LRP1B: variants seen among roughly 807,000 people sequenced by gnomAD.
LRP1B encodes the protein low-density lipoprotein receptor-related protein 1B.
In LRP1B, 217 loss-of-function variants were observed where a neutral mutation model predicts 556.6. That is an observed-to-expected ratio of 0.39 (90% confidence interval 0.35 to 0.44). The LOEUF (loss-of-function observed/expected upper bound fraction) is 0.44. Among genes scored for constraint, LRP1B ranks in the 20% least tolerant of loss-of-function variants. The probability of loss-of-function intolerance (pLI) is 1.00; values close to 1 mark genes in which losing one functional copy is unlikely to be tolerated. For missense variants in LRP1B, 5,053 were observed against 5,620.8 expected, an observed-to-expected ratio of 0.90 and a Z score of 3.23; for synonymous variants, 2,047 against 1,865.8, an observed-to-expected ratio of 1.10 and a Z score of -2.50.
At chr2:141,682,453 A>G (rs962225288) in intron 2 of LRP1B, among the ~76,000 whole-genome samples, 2 of 152,114 alleles carry the variant, frequency 1.3e-5, no homozygotes, top group African/African-American at 4.8e-5. Context: ...TAAATGAAGT[A>G]TGAGAAAAAG....
intron 2 of LRP1B, among the ~76,000 whole-genome samples, chr2:141,517,127 C>T (rs1684349590): frequency 6.6e-6 from 1 of 151,486 alleles, no homozygotes; most frequent in African/African-American, 2.4e-5. Context: ...ATATGTCTAC[C>T]CTTTTATGTT....
At chr2:141,972,115 A>T (rs536229830) in intron 1 of LRP1B, among the ~76,000 whole-genome samples, 1 of 151,704 alleles carries the variant, frequency 6.6e-6, no homozygotes, top group South Asian at 2.1e-4. Context: ...AACTATGTAA[A>T]CAAATACATG....
chr2:140,785,630 T>C (rs1019317630), intron 32 of LRP1B, among the ~76,000 whole-genome samples: 1 of 152,104 alleles, frequency 6.6e-6, no homozygotes, highest in Non-Finnish European at 1.5e-5. Flanking sequence ...CACTTACGAC[T>C]TCGCTAACTA....
intron 47 of LRP1B, among the ~76,000 whole-genome samples, chr2:140,532,491 G>T (rs988034741): frequency 6.6e-6 from 1 of 151,940 alleles, no homozygotes; most frequent in Non-Finnish European, 1.5e-5. Flanking sequence ...TCACCTCTCG[G>T]GTTCAAGCGA....
At chr2:141,495,383 A>G (rs569530058) in intron 2 of LRP1B, among the ~76,000 whole-genome samples, 2 of 152,226 alleles carry the variant, frequency 1.3e-5, no homozygotes, top group Non-Finnish European at 2.9e-5. Context: ...GGTCAACGGG[A>G]TCTGAAACAA....
chr2:140,712,523 G>A (rs942493111), intron 37 of LRP1B, among the ~76,000 whole-genome samples: 4 of 151,658 alleles, frequency 2.6e-5, no homozygotes, highest in African/African-American at 9.7e-5. Context: ...TCCCCTTTAC[G>A]TTCATTTCCA....
At chr2:140,272,275 A>ACC (rs1682497536) in intron 85 of LRP1B, among the ~76,000 whole-genome samples, 1 of 151,478 alleles carries the variant, frequency 6.6e-6, no homozygotes, top group Non-Finnish European at 1.5e-5. Flanking sequence ...ACACACACAC[A>ACC]CACACACACA....
chr2:141,777,928 G>A (rs1432627007), intron 2 of LRP1B, among the ~76,000 whole-genome samples: 1 of 151,928 alleles, frequency 6.6e-6, no homozygotes. Flanking sequence ...TATTCATAGA[G>A]CATACATGAA....
At chr2:140,271,741 C>T (rs1444530478) in intron 85 of LRP1B, among the ~76,000 whole-genome samples, 1 of 151,820 alleles carries the variant, frequency 6.6e-6, no homozygotes, top group Non-Finnish European at 1.5e-5. Context: ...CAAGTTTGTA[C>T]AGAGACTATC....
At chr2:140,461,695 A>G (rs1170377788) in intron 60 of LRP1B, among the ~76,000 whole-genome samples, 1 of 151,968 alleles carries the variant, frequency 6.6e-6, no homozygotes, top group Non-Finnish European at 1.5e-5. Flanking sequence ...ATAGCTGGGC[A>G]TGGTGGTGGG....
intron 2 of LRP1B, among the ~76,000 whole-genome samples, chr2:141,526,696 T>C (rs1380309383): frequency 6.6e-6 from 1 of 152,034 alleles, no homozygotes; most frequent in Non-Finnish European, 1.5e-5. Flanking sequence ...AGTATTTTTT[T>C]CAAGGACCTG....
At chr2:141,517,257 A>AATACACACACACACACACACACAC (rs1190662583) in intron 2 of LRP1B, among the ~76,000 whole-genome samples, 6 of 4,250 alleles carry the variant, frequency 1.4e-3, no homozygotes, top group African/African-American at 2.2e-3. Context: ...GAAGGACAAG[A>AATACACACACACACACACACACAC]ATACGCACAC....
At chr2:142,033,136 C>G (rs1166031568) in intron 1 of LRP1B, among the ~76,000 whole-genome samples, 1 of 151,804 alleles carries the variant, frequency 6.6e-6, no homozygotes, top group Non-Finnish European at 1.5e-5. Flanking sequence ...TTGAGAATCA[C>G]TAGCATCTCC....
chr2:141,271,785 C>T (rs1303981029), intron 3 of LRP1B, among the ~76,000 whole-genome samples: 1 of 132,476 alleles, frequency 7.5e-6, no homozygotes, highest in East Asian at 2.2e-4. Context: ...AAAAAAAAAA[C>T]CCAGGATTGA....
intron 86 of LRP1B, chr2:140,269,130 A>G: frequency 2.7e-6 from 1 of 377,330 alleles, no homozygotes; most frequent in Admixed American, 3.3e-5. Context: ...GCAAAGGTTA[A>G]GTGTGTATGA....
At chr2:140,245,419 A>G (rs1434249462) in intron 87 of LRP1B, among the ~76,000 whole-genome samples, 12 of 151,408 alleles carry the variant, frequency 7.9e-5, no homozygotes, top group Non-Finnish European at 1.3e-4. Context: ...TACACAGTCT[A>G]TGCTATTTCT....
At chr2:141,699,733 G>A (rs895540290) in intron 2 of LRP1B, among the ~76,000 whole-genome samples, 17 of 150,932 alleles carry the variant, frequency 1.1e-4, no homozygotes, top group Admixed American at 1.1e-3. Flanking sequence ...AATAGTGTCA[G>A]GTTTTGAAAT....
At chr2:141,571,754 G>A (rs7579392) in intron 2 of LRP1B, among the ~76,000 whole-genome samples, 12,017 of 151,958 alleles carry the variant, frequency 0.079, 559 homozygotes, top group South Asian at 0.13. Context: ...ATGGTGCTGA[G>A]AAACACAATA....
chr2:140,771,669 G>T (rs979692640), intron 33 of LRP1B, among the ~76,000 whole-genome samples: 1 of 152,134 alleles, frequency 6.6e-6, no homozygotes, highest in Non-Finnish European at 1.5e-5. Context: ...CCCTGCTGAA[G>T]ATGTTCCATT....
Sources: allele counts gnomAD v4.1 joint callset (sites outside exome capture counted in the v4.1 genomes callset), GRCh38; gene constraint gnomAD v4.1.1; transcripts MANE v1.5; gene names NCBI Gene and HGNC (gene_info 2026-07-23, HGNC 2026-07-21).